The following NDST3 variants were observed in gnomAD, a reference collection of about 807,000 sequenced individuals.
NDST3 encodes the protein bifunctional heparan sulfate N-deacetylase/N-sulfotransferase 3.
NDST3 carries 58 observed loss-of-function variants against 96.1 expected under a neutral mutation model. The observed-to-expected ratio is 0.60, with a 90% CI of 0.49 to 0.75. The LOEUF (loss-of-function observed/expected upper bound fraction) is 0.75, where lower values mean the gene tolerates loss of function less well. NDST3 is among the 30% of genes least tolerant of loss of function. The pLI is 0.00. For synonymous variants in NDST3, 333 were observed against 359.7 expected (o/e 0.93, Z 0.84); for missense variants, 788 against 1,034.2 (o/e 0.76, Z 3.27).
At chr4:118,147,646 G>A (rs528399841) in intron 6 of NDST3, among the ~76,000 whole-genome samples, 14 of 152,232 alleles carry the variant, frequency 9.2e-5, no homozygotes, top group African/African-American at 2.9e-4. Flanking sequence ...GAACTAGTAC[G>A]ACTATAGTGT....
At chr4:118,086,766 C>A (rs1191177409) in intron 2 of NDST3, among the ~76,000 whole-genome samples, 1 of 152,060 alleles carries the variant, frequency 6.6e-6, no homozygotes, top group African/African-American at 2.4e-5. Context: ...CCTAATAATC[C>A]TAAAACCATT....
At chr4:118,219,375 G>A (rs1739393501) in intron 6 of NDST3, among the ~76,000 whole-genome samples, 1 of 151,988 alleles carries the variant, frequency 6.6e-6, no homozygotes, top group Admixed American at 6.6e-5. Context: ...AGCGACCTCA[G>A]AAATAACACC....
intron 1 of NDST3, among the ~76,000 whole-genome samples, chr4:118,034,902 AC>A (rs1253310936): frequency 6.6e-6 from 1 of 152,258 alleles, no homozygotes; most frequent in Non-Finnish European, 1.5e-5. Flanking sequence ...TTAACAGAAC[AC>A]ATGTCTGTTG....
chr4:118,217,396 T>C (rs997522079), intron 6 of NDST3, among the ~76,000 whole-genome samples: 6 of 152,044 alleles, frequency 3.9e-5, no homozygotes, highest in Non-Finnish European at 7.4e-5. Flanking sequence ...GCCAGGGAAT[T>C]ATAGTATAGG....
At position 118,205,989 on chromosome 4, in the gene NDST3, C is replaced by T. The variant is rs1013048311; in HGVS notation, c.1540-18502C>T. On this transcript the variant is annotated intron_variant, in intron 6 of 13. Coordinates refer to ENST00000296499, the MANE Select transcript of NDST3 (RefSeq NM_004784.3). ...CTGGGATTACAGAAGCCCGCCACCA[C>T]GCCCAGCTAATTTTTTGTATTTTTA... is the stretch of plus-strand genomic sequence containing the variant. Among the ~76,000 whole-genome samples, 6 of 143,082 alleles carry T rather than the reference C, an allele frequency of 4.2e-5. 1 individual carries two copies. Among genetic ancestry groups the T allele is most frequent in the Admixed American group, 1.4e-4 (2 of 14,436 alleles). 93.9% of individuals were successfully genotyped at this position (143,082 alleles called of 152,430 possible).
chr4:118,133,447 G>A (rs953459522), intron 4 of NDST3, among the ~76,000 whole-genome samples: 3 of 152,166 alleles, frequency 2.0e-5, no homozygotes, highest in Non-Finnish European at 4.4e-5. Flanking sequence ...GGAGATAGGG[G>A]AAAGGTGGCA....
At chr4:118,109,406 AT>A (rs1391786792) in intron 3 of NDST3, among the ~76,000 whole-genome samples, 1 of 152,076 alleles carries the variant, frequency 6.6e-6, no homozygotes, top group African/African-American at 2.4e-5. Context: ...CAACTCCATT[AT>A]TTTTTTGCCC....
chr4:118,074,241 G>A (rs1727313753), intron 2 of NDST3, among the ~76,000 whole-genome samples: 1 of 152,148 alleles, frequency 6.6e-6, no homozygotes, highest in Non-Finnish European at 1.5e-5. Context: ...TGTGAAACAC[G>A]ATGTTCTGTT....
At chr4:118,164,893 G>C (rs1735442560) in intron 6 of NDST3, among the ~76,000 whole-genome samples, 1 of 152,016 alleles carries the variant, frequency 6.6e-6, no homozygotes. Flanking sequence ...GATGTTTTAT[G>C]TAAGCCCCAC....
chr4:118,198,750 T>C (rs1281013283), intron 6 of NDST3, among the ~76,000 whole-genome samples: 1 of 150,340 alleles, frequency 6.7e-6, no homozygotes, highest in Admixed American at 6.6e-5. Flanking sequence ...CTGATGTTGA[T>C]GAAATCCCTC....
At chr4:118,187,822 C>T (rs1737062628) in intron 6 of NDST3, among the ~76,000 whole-genome samples, 1 of 152,114 alleles carries the variant, frequency 6.6e-6, no homozygotes, top group African/African-American at 2.4e-5. Flanking sequence ...CATACATTTC[C>T]AAGACTGTGG....
chr4:118,223,876 ATTCAT>A (rs1156888524), intron 6 of NDST3, among the ~76,000 whole-genome samples: 1 of 152,144 alleles, frequency 6.6e-6, no homozygotes, highest in African/African-American at 2.4e-5. Flanking sequence ...ATGCAGAAGA[ATTCAT>A]TTGTCAACAC....
intron 1 of NDST3, among the ~76,000 whole-genome samples, chr4:118,039,360 G>T (rs1387625418): frequency 6.6e-6 from 1 of 152,156 alleles, no homozygotes; most frequent in Non-Finnish European, 1.5e-5. Context: ...CTTAAATACT[G>T]CCCTAGTTTG....
At chr4:118,050,586 A>C (rs968613165) in intron 1 of NDST3, among the ~76,000 whole-genome samples, 18 of 152,224 alleles carry the variant, frequency 1.2e-4, no homozygotes, top group African/African-American at 3.9e-4. Flanking sequence ...AATAATGTTA[A>C]AGCTGAGAGT....
intron 6 of NDST3, among the ~76,000 whole-genome samples, chr4:118,164,649 A>G (rs914315158): frequency 3.9e-5 from 6 of 152,196 alleles, no homozygotes; most frequent in African/African-American, 1.4e-4. Flanking sequence ...CATAAAGCTC[A>G]CTGGTAAAGG....
intron 2 of NDST3, among the ~76,000 whole-genome samples, chr4:118,101,368 G>GAAA (rs67248472): frequency 4.9e-5 from 7 of 141,514 alleles, no homozygotes; most frequent in Non-Finnish European, 4.5e-5. Flanking sequence ...ATGAAGACTT[G>GAAA]AAAAAAAAAA....
At chr4:118,227,743 C>G (rs1377423753) in intron 8 of NDST3, among the ~76,000 whole-genome samples, 3 of 151,882 alleles carry the variant, frequency 2.0e-5, no homozygotes, top group African/African-American at 7.3e-5. Context: ...TCCCGAGTAG[C>G]TGGGGCTACA....
intron 5 of NDST3, among the ~76,000 whole-genome samples, chr4:118,139,872 C>T (rs1733426278): frequency 6.6e-6 from 1 of 152,132 alleles, no homozygotes; most frequent in South Asian, 2.1e-4. Flanking sequence ...TAATTTACTT[C>T]CTTGACTTTC....
chr4:118,047,862 C>G (rs1724859213), intron 1 of NDST3, among the ~76,000 whole-genome samples: 1 of 152,072 alleles, frequency 6.6e-6, no homozygotes, highest in Non-Finnish European at 1.5e-5. Flanking sequence ...GTTGCAAATT[C>G]AAGAAATACA....
Sources: allele counts gnomAD v4.1 joint callset (sites outside exome capture counted in the v4.1 genomes callset), GRCh38; gene constraint gnomAD v4.1.1; transcripts MANE v1.5; gene names NCBI Gene and HGNC (gene_info 2026-07-23, HGNC 2026-07-21).